ADAMTSL2: variants seen among roughly 807,000 people sequenced by gnomAD.
ADAMTSL2 encodes ADAMTS-like protein 2.
In ADAMTSL2, 55 loss-of-function variants were observed where a neutral mutation model predicts 117.0. The ratio of observed to expected loss-of-function variants is 0.47; its 90% confidence interval spans 0.38 to 0.59. The LOEUF (loss-of-function observed/expected upper bound fraction) is 0.59, where lower values mean the gene tolerates loss of function less well. Ranked by LOEUF, ADAMTSL2 falls within the 20% of genes least tolerant of loss-of-function variation. The pLI is 0.00. For synonymous variants in ADAMTSL2, 572 were observed against 566.4 expected (o/e 1.01, Z -0.14); for missense variants, 1,182 against 1,354.5 (o/e 0.87, Z 2.00).
In ADAMTSL2 at chr9:133,550,987, C is replaced by T. The variant is rs768713829; in HGVS notation, c.940-3370C>T. On this transcript the variant is annotated intron_variant, in intron 9 of 18. Transcript: ENST00000651351. ...AGCCACAGGTACCTCCTCCAGACCT[C>T]CTGGTCCCCAACCTTCTGATCTTTC... Among the ~76,000 whole-genome samples the T allele has an allele frequency of 5.3e-4, 81 of 152,324 alleles. 1 individual carries two copies. Among genetic ancestry groups the T allele is most frequent in the Admixed American group, 4.4e-3 (68 of 15,304 alleles).
chr9:133,539,224 C>T (rs148115523), intron 4 of ADAMTSL2, among the ~76,000 whole-genome samples: 3 of 152,288 alleles, frequency 2.0e-5, no homozygotes, highest in Admixed American at 2.0e-4. Flanking sequence ...TTTATGAGCT[C>T]CAGCATGAGA....
At chr9:133,542,540 G>A (rs1830250114) in intron 7 of ADAMTSL2, among the ~76,000 whole-genome samples, 1 of 152,196 alleles carries the variant, frequency 6.6e-6, no homozygotes. Context: ...TGGGGCCAAG[G>A]GGCTGACATG....
At chr9:133,563,189 C>G (rs1036254102) in intron 12 of ADAMTSL2, among the ~76,000 whole-genome samples, 33 of 152,328 alleles carry the variant, frequency 2.2e-4, no homozygotes, top group African/African-American at 7.5e-4. Context: ...GGTCAGAGGT[C>G]AATGGATGCT....
rs199663387 is a variant in ADAMTSL2 at position 133,539,786 on chromosome 9, G to A, written c.325G>A (p.Gly109Arg). The change falls in exon 5 of 19, where the codon GGG becomes AGG. Residue 109 changes from glycine to arginine, a missense_variant. Around this residue, in one of 3 missense-constraint regions of ADAMTSL2, gnomAD observed 372 missense variants for 463.4 expected, o/e 0.80. Coordinates refer to ENST00000651351, the MANE Select transcript of ADAMTSL2 (RefSeq NM_014694.4). ...CGCTTCCCAGGAGTGTCCGCCGGAC[G>A]GGAGGAGCTTCCGCGAGGAGCAGTG... ...LCRVQECPPD[G>R]RSFREEQCVS... The A allele has an allele frequency of 5.0e-5, 76 of 1,510,056 alleles. No homozygotes were observed. Among genetic ancestry groups the A allele is most frequent in the East Asian group, 1.0e-4 (4 of 38,270 alleles). 93.5% of individuals were successfully genotyped at this position (1,510,056 alleles called of 1,614,324 possible). A position where few individuals can be genotyped will look rare whatever the true frequency, so the allele number is the denominator to read the frequency against.
At chr9:133,563,834 A>AAAAGGG (rs1830812042) in intron 12 of ADAMTSL2, among the ~76,000 whole-genome samples, 1 of 91,794 alleles carries the variant, frequency 1.1e-5, no homozygotes, top group African/African-American at 4.6e-5. Context: ...AGAGAGAGAG[A>AAAAGGG]GAGAGAGAGG....
rs1831075186 is a variant in ADAMTSL2 at position 133,570,342 on chromosome 9, C to G, written c.2427C>G (p.Thr809=). The G allele has an allele frequency of 6.5e-7, 1 of 1,546,186 alleles. No individual in the cohort carries two copies. The highest frequency in any genetic ancestry group is 8.7e-7 in the Non-Finnish European group (1 of 1,147,128). ...TGCCCCGGCCTCAGTGCAACACCAC[C>G]TGCGGGCGCGGGGTCAAGAAGCGGC... The part of the protein sequence containing the change: ...LAQDWERCNT[T]CGRGVKKRLV... Residue 809 remains threonine, a synonymous_variant, in exon 17 of 19, where the codon ACC becomes ACG. Transcript: ENST00000651351.
At chr9:133,568,138 G>C in intron 13 of ADAMTSL2, 135 bp from the exon 14 acceptor site, 2 of 922,728 alleles carry the variant, frequency 2.2e-6, no homozygotes, top group Admixed American at 4.2e-5. Flanking sequence ...CTCCTGTCTG[G>C]CTTAGCTTGT....
At chr9:133,538,533 G>A in intron 4 of ADAMTSL2, 109 bp downstream of exon 4, 1 of 1,315,574 alleles carries the variant, frequency 7.6e-7, no homozygotes, top group South Asian at 1.2e-5. Flanking sequence ...TCTGTTGTGG[G>A]CTGCTCTTCA....
chr9:133,534,782 G>A lies in ADAMTSL2; in HGVS notation c.-286G>A, dbSNP rs1295093662. ...GAGAGGGAGGCGGCGCGGGGGAGGA[G>A]GGGAAGGGGAGAGGGAGGCCGGGCC... is the stretch of plus-strand genomic sequence containing the variant. On this transcript the variant is annotated 5_prime_UTR_variant, in exon 1 of 19. Transcript: ENST00000651351. 2 of 1,475,958 alleles carry A rather than the reference G, an allele frequency of 1.4e-6. No individual in the cohort carries two copies. The highest frequency in any genetic ancestry group is 1.8e-6 in the Non-Finnish European group (2 of 1,108,180). 91.4% of individuals were successfully genotyped at this position (1,475,958 alleles called of 1,614,324 possible).
At chr9:133,571,831 C>G (rs1831112921) in intron 17 of ADAMTSL2, among the ~76,000 whole-genome samples, 1 of 152,154 alleles carries the variant, frequency 6.6e-6, no homozygotes, top group African/African-American at 2.4e-5. Context: ...CCTGGGGTCT[C>G]CAGCTACCTC....
At chr9:133,537,706 G>A (rs1009505646) in intron 3 of ADAMTSL2, among the ~76,000 whole-genome samples, 159 bp downstream of exon 3, 3 of 152,184 alleles carry the variant, frequency 2.0e-5, no homozygotes, top group Admixed American at 2.0e-4. Context: ...TCTGCTGGAC[G>A]CGGCTATGGA....
intron 12 of ADAMTSL2, among the ~76,000 whole-genome samples, chr9:133,562,745 T>G (rs1199009222): frequency 9.2e-6 from 1 of 108,198 alleles, no homozygotes; most frequent in Non-Finnish European, 1.8e-5. Flanking sequence ...GGCGGCGTGG[T>G]GGGCACCGGC....
At chr9:133,545,933 T>A (rs554080692) in intron 8 of ADAMTSL2, among the ~76,000 whole-genome samples, 3 of 151,656 alleles carry the variant, frequency 2.0e-5, no homozygotes, top group Non-Finnish European at 2.9e-5. Context: ...TGAAGGGGGT[T>A]TTTCAAGCAG....
intron 12 of ADAMTSL2, among the ~76,000 whole-genome samples, chr9:133,564,898 C>A (rs1830927892): frequency 6.6e-6 from 1 of 152,108 alleles, no homozygotes; most frequent in African/African-American, 2.4e-5. Context: ...CTGTGCCTCG[C>A]AAGAACCCAG....
rs1830571843 is a variant in ADAMTSL2 at position 133,554,967 on chromosome 9, G to T, written c.1276+274G>T. On this transcript the variant is annotated intron_variant, in intron 10 of 18. Transcript: ENST00000651351. The surrounding 1 kb of genome is among the most constrained non-coding windows in gnomAD (Gnocchi z 5.2). ...GGAAGTGGCTTGGCCAAGTCATGCA[G>T]TCCACCGTGGAGGAGCTGGGAGTCA... Among the ~76,000 whole-genome samples the T allele has an allele frequency of 6.6e-6, 1 of 152,178 alleles. No homozygotes were observed. The highest frequency in any genetic ancestry group is 6.5e-5 in the Admixed American group (1 of 15,284).
At chr9:133,556,642 G>A (rs1385339144) in intron 11 of ADAMTSL2, among the ~76,000 whole-genome samples, 1 of 152,204 alleles carries the variant, frequency 6.6e-6, no homozygotes, top group East Asian at 1.9e-4. Context: ...GCCACAGCTG[G>A]GTCTACATGG....
chr9:133,557,245 G>A lies in ADAMTSL2; in HGVS notation c.1649+1315G>A, dbSNP rs915604365. ...CCAGGAGCCCCAGGGGATGCCTGCC[G>A]CTTTTCTCAAACTGTTTTCTGAGGC... is the stretch of plus-strand genomic sequence containing the variant. On this transcript the variant is annotated intron_variant, in intron 11 of 18. Transcript: ENST00000651351. The surrounding 1 kb of genome is among the most constrained non-coding windows in gnomAD (Gnocchi z 5.2). 2.4e-4 allele frequency among the ~76,000 whole-genome samples: 37 copies of A among 152,286 alleles called. No individual in the cohort carries two copies. The highest frequency in any genetic ancestry group is 8.3e-4 in the South Asian group (4 of 4,826).
At position 133,537,476 on chromosome 9, in the gene ADAMTSL2, C is replaced by A; in HGVS notation, c.162C>A (p.Thr54=). ...CGGCCTTCTGGTGGGGGGAGTGGAC[C>A]AAGTGGACGGCGTGTTCCCGCAGTT... ...DATAFWWGEW[T]KWTACSRSCG... is the part of the protein sequence containing the mutation. Residue 54 remains threonine, a synonymous_variant, in exon 3 of 19, where the codon ACC becomes ACA. Coordinates refer to ENST00000651351, the MANE Select transcript of ADAMTSL2 (RefSeq NM_014694.4). 1.5e-6 allele frequency: 2 copies of A among 1,359,448 alleles called. No homozygotes were observed. The allele number at this position is 1,359,448 out of a possible 1,614,324, so 84.2% of individuals were successfully genotyped here. A position where few individuals can be genotyped will look rare whatever the true frequency, so the allele number is the denominator to read the frequency against.
chr9:133,533,323 C>T (rs910566714), upstream of ADAMTSL2, among the ~76,000 whole-genome samples: 2 of 152,128 alleles, frequency 1.3e-5, no homozygotes, highest in African/African-American at 4.8e-5. Context: ...TAGGAGCAGC[C>T]ACCTTGCATC....
Sources: allele counts gnomAD v4.1 joint callset (sites outside exome capture counted in the v4.1 genomes callset), GRCh38; gene constraint gnomAD v4.1.1; regional missense constraint gnomAD v4.1.1; non-coding constraint Gnocchi (gnomAD v3.1); transcripts MANE v1.5; gene names NCBI Gene and HGNC (gene_info 2026-07-23, HGNC 2026-07-21).